CDC37L1: variants seen among roughly 807,000 people sequenced by gnomAD.
CDC37L1 encodes the protein hsp90 co-chaperone Cdc37-like 1.
CDC37L1 carries 32 observed loss-of-function variants against 45.9 expected under a neutral mutation model. The observed-to-expected ratio is 0.70, with a 90% CI of 0.53 to 0.94. The LOEUF (loss-of-function observed/expected upper bound fraction) is 0.94, where lower values mean the gene tolerates loss of function less well. CDC37L1 is among the 40% of genes least tolerant of loss of function. The probability of loss-of-function intolerance (pLI) is 0.00; values close to 1 mark genes in which losing one functional copy is unlikely to be tolerated. For synonymous variants in CDC37L1, 150 were observed against 133.0 expected (o/e 1.13, Z -0.88); for missense variants, 434 against 405.7 (o/e 1.07, Z -0.60).
intron 3 of CDC37L1, among the ~76,000 whole-genome samples, chr9:4,692,372 C>T (rs972673482): frequency 4.6e-5 from 7 of 151,808 alleles, no homozygotes; most frequent in African/African-American, 4.8e-5. Context: ...CGGGTTCAAG[C>T]GTTCCTGCTG....
rs1438186355 is a variant in CDC37L1 at position 4,707,289 on chromosome 9, A to G, written c.*1177A>G. The G allele has an allele frequency of 1.3e-5, 2 of 151,482 alleles. No individual in the cohort carries two copies. The highest frequency in any genetic ancestry group is 4.9e-5 in the African/African-American group (2 of 41,012). 9.4% of individuals were successfully genotyped at this position (151,482 alleles called of 1,614,324 possible). On this transcript the variant is annotated 3_prime_UTR_variant, in exon 7 of 7. Coordinates refer to ENST00000381854, the MANE Select transcript of CDC37L1 (RefSeq NM_017913.4). ...TATGTAGAATTAGGTAACAAAGCCA[A>G]TTATGCTATCCTTATTATTGAAGGA...
At chr9:4,680,161 G>T (rs1027236261) in intron 1 of CDC37L1, among the ~76,000 whole-genome samples, 1 of 152,112 alleles carries the variant, frequency 6.6e-6, no homozygotes, top group Non-Finnish European at 1.5e-5. Flanking sequence ...GTTCACTCTT[G>T]GAATACCTTC....
intron 3 of CDC37L1, among the ~76,000 whole-genome samples, chr9:4,692,269 A>C (rs1354215226): frequency 6.6e-6 from 1 of 151,908 alleles, no homozygotes; most frequent in Non-Finnish European, 1.5e-5. Flanking sequence ...ATATGATTTT[A>C]ATGTTTTTTT....
intron 2 of CDC37L1, 118 bp downstream of exon 2, chr9:4,685,276 G>A: frequency 1.2e-6 from 1 of 810,270 alleles, no homozygotes; most frequent in Non-Finnish European, 2.0e-6. Context: ...AATTTTGACA[G>A]TTTATGAAAG....
chr9:4,697,013 T>C, intron 3 of CDC37L1, 83 bp from the exon 4 acceptor site: 1 of 665,822 alleles, frequency 1.5e-6, no homozygotes, highest in Non-Finnish European at 2.7e-6. Context: ...GAGAGATTAA[T>C]GAATTAAGAA....
At chr9:4,688,437 T>C in intron 2 of CDC37L1, 76 bp from the exon 3 acceptor site, 1 of 794,508 alleles carries the variant, frequency 1.3e-6, no homozygotes, top group Non-Finnish European at 1.9e-6. Flanking sequence ...GAAGAATTGC[T>C]AGATATTCAG....
rs565074108 is a variant in CDC37L1, at chr9:4,706,452, G to A, written c.*340G>A. The stretch of plus-strand genomic sequence containing the variant: ...TACAAGAACTGGTTGATTCTGGGAG[G>A]CATCTGCTACAGTCTCTTTTTATAT... On this transcript the variant is annotated 3_prime_UTR_variant, in exon 7 of 7. Transcript: ENST00000381854. 4 of 174,416 alleles carry A rather than the reference G, an allele frequency of 2.3e-5. No individual in the cohort carries two copies. Among genetic ancestry groups the A allele is most frequent in the Non-Finnish European group, 4.9e-5 (4 of 81,038 alleles). The allele number at this position is 174,416 out of a possible 1,614,324, so 10.8% of individuals were successfully genotyped here.
chr9:4,707,540 C>A lies in CDC37L1; in HGVS notation c.*1428C>A, dbSNP rs1222803475. 6.6e-6 allele frequency: 1 copy of A among 152,162 alleles called. No homozygotes were observed. Among genetic ancestry groups the A allele is most frequent in the South Asian group, 2.1e-4 (1 of 4,828 alleles). 9.4% of individuals were successfully genotyped at this position (152,162 alleles called of 1,614,324 possible). A position where few individuals can be genotyped will look rare whatever the true frequency, so the allele number is the denominator to read the frequency against. On this transcript the variant is annotated 3_prime_UTR_variant, in exon 7 of 7. Transcript: ENST00000381854. ...CTGAGGTGATCAGACACTTAGTACC[C>A]TAGAAATGGACTGGAATTATTGAAT...
chr9:4,693,181 C>T (rs543227560), intron 3 of CDC37L1, among the ~76,000 whole-genome samples: 1 of 151,940 alleles, frequency 6.6e-6, no homozygotes. Context: ...AGTGGTTCTG[C>T]CTGTAATCCC....
At chr9:4,705,433 C>A (rs989932052) in intron 6 of CDC37L1, among the ~76,000 whole-genome samples, 1 of 152,034 alleles carries the variant, frequency 6.6e-6, no homozygotes, top group South Asian at 2.1e-4. Context: ...TGAGTTTATG[C>A]TTGTTTAACA....
At chr9:4,679,963 C>G (rs1324569632) in intron 1 of CDC37L1, 64 bp downstream of exon 1, 1 of 1,591,780 alleles carries the variant, frequency 6.3e-7, no homozygotes, top group Non-Finnish European at 8.6e-7. Flanking sequence ...CCTGGAATGC[C>G]GCGTCTCCCA....
chr9:4,685,341 G>A (rs1841237719), intron 2 of CDC37L1, 183 bp downstream of exon 2: 15 of 522,114 alleles, frequency 2.9e-5, no homozygotes, highest in South Asian at 2.8e-4. Flanking sequence ...CTGTAGAGCT[G>A]CAGACTCCAG....
At chr9:4,687,421 A>G (rs938682900) in intron 2 of CDC37L1, among the ~76,000 whole-genome samples, 2 of 152,158 alleles carry the variant, frequency 1.3e-5, no homozygotes, top group Admixed American at 6.5e-5. Context: ...GCTCATGCCT[A>G]TAATCCCAGC....
At chr9:4,680,080 C>T (rs1198698589) in intron 1 of CDC37L1, among the ~76,000 whole-genome samples, 181 bp downstream of exon 1, 3 of 152,192 alleles carry the variant, frequency 2.0e-5, no homozygotes, top group Non-Finnish European at 4.4e-5. Context: ...CTTCGGAGGG[C>T]AGACGGGGTG....
Position 4,679,626 on chromosome 9 carries a change from C to A in CDC37L1, c.-142C>A. 2.8e-6 allele frequency: 2 copies of A among 707,668 alleles called. No homozygotes were observed. Among genetic ancestry groups the A allele is most frequent in the Non-Finnish European group, 4.5e-6 (2 of 449,104 alleles). The allele number at this position is 707,668 out of a possible 1,614,324, so 43.8% of individuals were successfully genotyped here. A position where few individuals can be genotyped will look rare whatever the true frequency, so the allele number is the denominator to read the frequency against. ...TGTCGCCGGGTGTGCAGCGGCGTCG[C>A]GGCCAGTAGAGGGATTCTGGGTAAC... On this transcript the variant is annotated 5_prime_UTR_variant, in exon 1 of 7. Coordinates refer to ENST00000381854, the MANE Select transcript of CDC37L1 (RefSeq NM_017913.4).
chr9:4,679,590 G>T lies in CDC37L1; in HGVS notation c.-178G>T, dbSNP rs1387838849. The T allele has an allele frequency of 1.9e-6, 1 of 532,766 alleles. No homozygotes were observed. Among genetic ancestry groups the T allele is most frequent in the Non-Finnish European group, 3.3e-6 (1 of 303,622 alleles). 33.0% of individuals were successfully genotyped at this position (532,766 alleles called of 1,614,324 possible). ...ATTTCTTCCGCCGTCCGCCGGTGGCGAGGCCCAGGCTGTCGCCGGGTGTGC... is the reference window on the plus strand; with the variant it reads ...ATTTCTTCCGCCGTCCGCCGGTGGCTAGGCCCAGGCTGTCGCCGGGTGTGC... On this transcript the variant is annotated 5_prime_UTR_variant, in exon 1 of 7. Transcript: ENST00000381854.
intron 1 of CDC37L1, among the ~76,000 whole-genome samples, chr9:4,683,097 AT>A (rs1841213603): frequency 7.0e-6 from 1 of 143,406 alleles, no homozygotes; most frequent in Non-Finnish European, 1.5e-5. Flanking sequence ...TATATATTTT[AT>A]TTTTATATAT....
In CDC37L1 at chr9:4,706,000, T is replaced by G. The variant is rs1366769651; in HGVS notation, c.913-11T>G. The stretch of plus-strand genomic sequence containing the variant: ...TTTTCTCCCCCCAATCTACCTTTTC[T>G]TTTTCCCCAGAATCCAGATTATCTT... On this transcript the variant is annotated splice_polypyrimidine_tract_variant and intron_variant, in intron 6 of 6. Coordinates refer to ENST00000381854, the MANE Select transcript of CDC37L1 (RefSeq NM_017913.4). The G allele has an allele frequency of 1.4e-6, 2 of 1,401,778 alleles. No individual in the cohort carries two copies. Among genetic ancestry groups the G allele is most frequent in the African/African-American group, 2.8e-5 (2 of 70,594 alleles). 86.8% of individuals were successfully genotyped at this position (1,401,778 alleles called of 1,614,324 possible).
chr9:4,692,096 C>G (rs544639601), intron 3 of CDC37L1, among the ~76,000 whole-genome samples: 10 of 152,210 alleles, frequency 6.6e-5, no homozygotes, highest in South Asian at 4.1e-4. Flanking sequence ...AAAGTTTGCT[C>G]AAATACTATG....
Sources: gnomAD v4.1 joint callset for allele counts (sites outside exome capture counted in the v4.1 genomes callset) on GRCh38, gnomAD v4.1.1 for gene constraint, MANE v1.5 for transcripts, NCBI Gene and HGNC (gene_info 2026-07-23, HGNC 2026-07-21) for gene names.